COL5A3: variants seen among roughly 807,000 people sequenced by gnomAD.
The protein encoded by COL5A3 is collagen type V alpha 3 chain.
COL5A3 carries 172 observed loss-of-function variants against 250.0 expected under a neutral mutation model. The ratio of observed to expected loss-of-function variants is 0.69; its 90% confidence interval spans 0.61 to 0.78. COL5A3 has a LOEUF of 0.78. Ranked by LOEUF, COL5A3 falls within the 30% of genes least tolerant of loss-of-function variation. COL5A3 has a pLI of 0.00. For synonymous variants in COL5A3, 937 were observed against 900.4 expected, an observed-to-expected ratio of 1.04 and a Z score of -0.73; for missense variants, 2,340 against 2,334.4, an observed-to-expected ratio of 1.00 and a Z score of -0.05.
rs115602002 is a variant in COL5A3, at chr19:9,972,080, T to G, written c.3775-822A>C. ...ATTCATTCATGCATCCATTCACTCA[T>G]TCACTCACTCATTTGTCCATTCGGC... On this transcript the variant is annotated intron_variant, in intron 51 of 66. Coordinates refer to ENST00000264828, the MANE Select transcript of COL5A3 (RefSeq NM_015719.4). 2.2e-3 allele frequency among the ~76,000 whole-genome samples: 334 copies of G among 152,342 alleles called. 2 individuals carry two copies. The highest frequency in any genetic ancestry group is 0.01 in the Middle Eastern group (3 of 294).
rs2087437043 is a variant in COL5A3 at position 10,005,957 on chromosome 19, C to T, written c.276G>A (p.Leu92=). The T allele has an allele frequency of 6.2e-7, 1 of 1,613,824 alleles. No individual in the cohort carries two copies. Residue 92 remains leucine, a synonymous_variant, in exon 3 of 67, where the codon TTG becomes TTA. Transcript: ENST00000264828. Reference sequence around the variant, plus strand: ...CTGGCTGTCCCCGCAAGGTGATCAGCAAGGAGAAGTTCTCAGGAAAGTGGC... The same window carrying T: ...CTGGCTGTCCCCGCAAGGTGATCAGTAAGGAGAAGTTCTCAGGAAAGTGGC... ...PEGHFPENFS[L]LITLRGQPAN...
Position 9,977,058 on chromosome 19 carries a change from C to T in COL5A3, c.3288+171G>A, listed in dbSNP as rs117624953. 5.2e-3 allele frequency among the ~76,000 whole-genome samples: 787 copies of T among 152,158 alleles called. 6 individuals are homozygous for T. Among genetic ancestry groups the T allele is most frequent in the Non-Finnish European group, 9.5e-3 (648 of 67,986 alleles). ...CTGCAGTTGGGTTCTGTGGACCCAT[C>T]GCTCCAGGCAGCTCAAGTACCTTCT... is the stretch of plus-strand genomic sequence containing the variant. On this transcript the variant is annotated intron_variant, in intron 44 of 66. Coordinates refer to ENST00000264828, the MANE Select transcript of COL5A3 (RefSeq NM_015719.4).
intron 52 of COL5A3, 36 bp from the exon 53 acceptor site, chr19:9,971,064 G>A: frequency 6.7e-7 from 1 of 1,483,726 alleles, no homozygotes; most frequent in Non-Finnish European, 9.0e-7. Context: ...GAGGGGTGAT[G>A]AGGGTACGTG....
At chr19:9,963,011 A>T in intron 64 of COL5A3, 124 bp from the exon 65 acceptor site, 1 of 719,226 alleles carries the variant, frequency 1.4e-6, no homozygotes, top group Non-Finnish European at 2.4e-6. Flanking sequence ...GGCTTCTGGG[A>T]TGGACGAGCT....
intron 31 of COL5A3, among the ~76,000 whole-genome samples, chr19:9,984,572 T>C (rs2087068038): frequency 6.6e-6 from 1 of 152,214 alleles, no homozygotes; most frequent in Non-Finnish European, 1.5e-5. Context: ...ACTGACTTTG[T>C]TGGTGAATGA....
rs780250165 is a variant in COL5A3, at chr19:10,005,799, C to T, written c.434G>A (p.Gly145Asp). The T allele has an allele frequency of 3.1e-6, 5 of 1,609,708 alleles. No homozygotes were observed. The highest frequency in any genetic ancestry group is 4.5e-5 in the East Asian group (2 of 44,802). Reference sequence around the variant, plus strand: ...CGCCCACTCTCCCCATGCTCACCTGCCATCTGTGAGGTTGACCTGCTGGGG... The same window carrying T: ...CGCCCACTCTCCCCATGCTCACCTGTCATCTGTGAGGTTGACCTGCTGGGG... ...PLPQQVNLTD[G>D]RWHRVAVSID... Residue 145 changes from glycine (G) to aspartate (D), a missense_variant, in exon 3 of 67, where the codon GGC becomes GAC. Coordinates refer to ENST00000264828, the MANE Select transcript of COL5A3 (RefSeq NM_015719.4).
chr19:9,993,940 T>C, intron 16 of COL5A3, 134 bp from the exon 17 acceptor site: 2 of 756,918 alleles, frequency 2.6e-6, no homozygotes, highest in Non-Finnish European at 4.5e-6. Context: ...CAGGTTGGAG[T>C]GCAGTGGCAC....
At chr19:9,983,830 A>G (rs2087056445) in intron 31 of COL5A3, among the ~76,000 whole-genome samples, 1 of 149,560 alleles carries the variant, frequency 6.7e-6, no homozygotes, top group Non-Finnish European at 1.5e-5. Context: ...TAAGCTTCAA[A>G]GTTTTTTTCT....
At chr19:10,008,612 G>A (rs936768671) in intron 1 of COL5A3, among the ~76,000 whole-genome samples, 3 of 152,200 alleles carry the variant, frequency 2.0e-5, no homozygotes, top group Non-Finnish European at 2.9e-5. Flanking sequence ...GTGCAAATAC[G>A]TGTATGTGCA....
chr19:9,965,780 G>C (rs935271411), intron 64 of COL5A3, among the ~76,000 whole-genome samples: 1 of 152,116 alleles, frequency 6.6e-6, no homozygotes, highest in African/African-American at 2.4e-5. Context: ...AGTTTTCCTT[G>C]TCTGTCTTCC....
At chr19:9,964,524 A>G (rs2086711829) in intron 64 of COL5A3, among the ~76,000 whole-genome samples, 1 of 152,104 alleles carries the variant, frequency 6.6e-6, no homozygotes, top group South Asian at 2.1e-4. Flanking sequence ...AGGATCATTG[A>G]ACCCAGGAGG....
At chr19:9,964,942 G>C (rs537320511) in intron 64 of COL5A3, among the ~76,000 whole-genome samples, 1 of 148,450 alleles carries the variant, frequency 6.7e-6, no homozygotes, top group Admixed American at 6.8e-5. Context: ...ACAGCTCCTG[G>C]GGAGGCTGAG....
At chr19:9,978,137 C>T (rs997038758) in intron 41 of COL5A3, among the ~76,000 whole-genome samples, 1 of 151,570 alleles carries the variant, frequency 6.6e-6, no homozygotes, top group African/African-American at 2.4e-5. Context: ...TGTTGATGGC[C>T]AATGCACAGG....
At chr19:9,981,695 A>G (rs1403767396) in intron 32 of COL5A3, among the ~76,000 whole-genome samples, 1 of 152,242 alleles carries the variant, frequency 6.6e-6, no homozygotes, top group African/African-American at 2.4e-5. Flanking sequence ...ACACATGTGT[A>G]TACACATGTC....
intron 8 of COL5A3, among the ~76,000 whole-genome samples, chr19:9,998,939 C>T (rs1291330577): frequency 1.3e-5 from 2 of 152,196 alleles, no homozygotes; most frequent in Non-Finnish European, 2.9e-5. Context: ...CCGCCTCATC[C>T]TCCCAAAGTG....
chr19:9,968,451 T>G lies in COL5A3; in HGVS notation c.4248A>C (p.Glu1416Asp). The G allele has an allele frequency of 6.3e-7, 1 of 1,587,818 alleles. No homozygotes were observed. Among genetic ancestry groups the G allele is most frequent in the Non-Finnish European group, 8.5e-7 (1 of 1,173,496 alleles). Reference sequence around the variant, plus strand: ...ACCCCTGATCTCCTTTCTCACCAGCTTCTCCCGGGGGGCCAATGAGACCGA... The same window carrying G: ...ACCCCTGATCTCCTTTCTCACCAGCGTCTCCCGGGGGGCCAATGAGACCGA... ...GLIGLIGPPGEAGEKGDQGLP... is the reference protein window; with the variant it reads ...GLIGLIGPPGDAGEKGDQGLP... The change falls in exon 59 of 67, where the codon GAA (glutamate) becomes GAC (aspartate). Residue 1416 changes from glutamate (E) to aspartate (D), a missense_variant. By Grantham distance (45) the Glu-to-Asp change is conservative. Around this residue, in one of 3 missense-constraint regions of COL5A3, gnomAD observed 1,179 missense variants for 1,162.6 expected, o/e 1.01. Coordinates refer to ENST00000264828, the MANE Select transcript of COL5A3 (RefSeq NM_015719.4). This position sits in a 1 kb window ranked among gnomAD's most constrained non-coding sequence, Gnocchi z 4.1.
At chr19:9,966,832 G>C (rs771019887) in intron 62 of COL5A3, 86 bp from the exon 63 acceptor site, 176 of 1,042,014 alleles carry the variant, frequency 1.7e-4, no homozygotes, top group Non-Finnish European at 2.3e-4. Context: ...GAGATGAAGA[G>C]GCAGACAGAC....
intron 11 of COL5A3, chr19:9,997,053 C>T (rs960860118): frequency 6.8e-5 from 36 of 526,902 alleles, no homozygotes; most frequent in South Asian, 9.3e-5. Flanking sequence ...GAGAGATGGA[C>T]GGAGGGAGAG....
At position 10,009,161 on chromosome 19, in the gene COL5A3, GGTGTGTGTGTGTGT is replaced by G. The variant is rs4044577; in HGVS notation, c.88+1123_88+1136del. Among the ~76,000 whole-genome samples the G allele has an allele frequency of 6.4e-5, 9 of 140,432 alleles. No individual in the cohort carries two copies. The highest frequency in any genetic ancestry group is 1.3e-4 in the African/African-American group (5 of 37,884). The allele number at this position is 140,432 out of a possible 152,430, so 92.1% of individuals were successfully genotyped here. ...GACTCCAAAGTAAGAAGTGTGCTGT[GGTGTGTGTGTGTGT>G]GTGTGTGTGTGTGTGTGTGTGTGTG... On this transcript the variant is annotated intron_variant, in intron 1 of 66. Transcript: ENST00000264828. This position sits in a 1 kb window ranked among gnomAD's most constrained non-coding sequence, Gnocchi z 4.4.
Sources: allele counts gnomAD v4.1 joint callset (sites outside exome capture counted in the v4.1 genomes callset), GRCh38; gene constraint gnomAD v4.1.1; regional missense constraint gnomAD v4.1.1; non-coding constraint Gnocchi (gnomAD v3.1); transcripts MANE v1.5; gene names NCBI Gene and HGNC (gene_info 2026-07-23, HGNC 2026-07-21).